Variants in EMILIN2 observed in about 807,000 individuals in gnomAD.
EMILIN2 encodes the protein elastin microfibril interfacer 2, also known as EMILIN-2.
EMILIN2 carries 71 observed loss-of-function variants against 87.1 expected under a neutral mutation model. The ratio of observed to expected loss-of-function variants is 0.82; its 90% confidence interval spans 0.67 to 0.99. EMILIN2 has a LOEUF of 0.99. Among genes scored for constraint, EMILIN2 ranks in the 50% least tolerant of loss-of-function variants. EMILIN2 has a pLI of 0.00. For missense variants in EMILIN2, 1,407 were observed against 1,371.8 expected (o/e 1.03, Z -0.40); for synonymous variants, 581 against 563.4 (o/e 1.03, Z -0.44).
At chr18:2,889,663 T>C (rs2076823329) in intron 3 of EMILIN2, among the ~76,000 whole-genome samples, 1 of 151,498 alleles carries the variant, frequency 6.6e-6, no homozygotes, top group Admixed American at 6.6e-5. Flanking sequence ...CAAAATTCAA[T>C]GTTTGCATTC....
chr18:2,892,022 G>GTA lies in EMILIN2; in HGVS notation c.1896_1897dup (p.Arg633IlefsTer113), dbSNP rs1568476662. 1.2e-6 allele frequency: 2 copies of GTA among 1,614,254 alleles called. No homozygotes were observed. ...CATCTTCAAAAGGAAATGAGCAATT[G>GTA]TAGAGCAGGTGAAAACGCTGGCATG... On this transcript the variant is annotated frameshift_variant, in exon 4 of 8. Transcript: ENST00000254528. LOFTEE classifies it high-confidence loss of function.
intron 7 of EMILIN2, among the ~76,000 whole-genome samples, chr18:2,910,609 C>G (rs2076936126): frequency 6.6e-6 from 1 of 152,078 alleles, no homozygotes; most frequent in African/African-American, 2.4e-5. Flanking sequence ...AGTCACTGTT[C>G]TGCTCACGCA....
chr18:2,903,435 C>G (rs1050901889), intron 4 of EMILIN2, among the ~76,000 whole-genome samples: 20 of 152,190 alleles, frequency 1.3e-4, no homozygotes, highest in African/African-American at 4.6e-4. Flanking sequence ...TCCTTCTTCC[C>G]ACGCCCCAGA....
chr18:2,882,105 G>A (rs1167580327), intron 2 of EMILIN2, among the ~76,000 whole-genome samples: 1 of 152,208 alleles, frequency 6.6e-6, no homozygotes, highest in Non-Finnish European at 1.5e-5. Context: ...TTTGAACTTG[G>A]ATAAGTCGCT....
At chr18:2,889,596 A>G (rs1239991191) in intron 3 of EMILIN2, among the ~76,000 whole-genome samples, 2 of 151,818 alleles carry the variant, frequency 1.3e-5, no homozygotes, top group Non-Finnish European at 2.9e-5. Context: ...TTAAAAATTA[A>G]TAATTGTTTC....
intron 2 of EMILIN2, among the ~76,000 whole-genome samples, chr18:2,874,348 C>T (rs755685073): frequency 2.6e-5 from 4 of 152,106 alleles, no homozygotes; most frequent in Non-Finnish European, 5.9e-5. Context: ...CACCACTGCA[C>T]CCAGCTGTAG....
At chr18:2,874,754 T>C (rs1052820015) in intron 2 of EMILIN2, among the ~76,000 whole-genome samples, 2 of 151,502 alleles carry the variant, frequency 1.3e-5, no homozygotes, top group Non-Finnish European at 2.9e-5. Flanking sequence ...TAAGTGTTCC[T>C]GTGTTTTCAA....
At chr18:2,888,692 G>A (rs1376346944) in intron 3 of EMILIN2, among the ~76,000 whole-genome samples, 1 of 144,398 alleles carries the variant, frequency 6.9e-6, no homozygotes, top group Non-Finnish European at 1.5e-5. Flanking sequence ...TCCAGCCTGG[G>A]CAACAGAGGG....
chr18:2,901,430 G>A (rs1013513077), intron 4 of EMILIN2, among the ~76,000 whole-genome samples: 5 of 152,220 alleles, frequency 3.3e-5, no homozygotes, highest in Non-Finnish European at 5.9e-5. Flanking sequence ...GATTTTCTTA[G>A]GAAAGTCTTT....
rs2076579428 is a variant in EMILIN2, at chr18:2,847,261, G to A, written c.73G>A (p.Ala25Thr). 1.5e-6 allele frequency: 2 copies of A among 1,308,072 alleles called. No individual in the cohort carries two copies. Among genetic ancestry groups the A allele is most frequent in the Admixed American group, 4.0e-5 (1 of 25,158 alleles). 81.0% of individuals were successfully genotyped at this position (1,308,072 alleles called of 1,614,324 possible). The change falls in exon 1 of 8, where the codon GCG becomes ACG. Residue 25 changes from alanine (A) to threonine (T), a missense_variant. Coordinates refer to ENST00000254528, the MANE Select transcript of EMILIN2 (RefSeq NM_032048.3). The surrounding 1 kb of genome is among the most constrained non-coding windows in gnomAD (Gnocchi z 4.5). ...GCTGGCGCTGCTGGCCCTGGTTGGC[G>A]CGGGGCTGTGCCACGCCGGCCCGCA... ...WALALLALVG[A>T]GLCHAGPQPG...
At chr18:2,868,854 A>G (rs1200137495) in intron 2 of EMILIN2, among the ~76,000 whole-genome samples, 1 of 152,156 alleles carries the variant, frequency 6.6e-6, no homozygotes, top group Non-Finnish European at 1.5e-5. Context: ...TTAGCTGTGA[A>G]TCCATCTGGT....
intron 4 of EMILIN2, among the ~76,000 whole-genome samples, chr18:2,892,979 G>C (rs893356050): frequency 6.6e-6 from 1 of 151,938 alleles, no homozygotes; most frequent in Non-Finnish European, 1.5e-5. Flanking sequence ...TTGAACCTGG[G>C]AGGCAGAGGT....
rs764541542 is a variant in EMILIN2 at position 2,892,278 on chromosome 18, C to T, written c.2151C>T (p.Asp717=). 23 of 1,613,990 alleles carry T rather than the reference C, an allele frequency of 1.4e-5. No individual in the cohort carries two copies. The highest frequency in any genetic ancestry group is 1.3e-5 in the African/African-American group (1 of 74,918). ...SHMEKTCSKL[D]SISGNLQRIK... ...TGGAGAAAACTTGCAGCAAGCTGGA[C>T]TCTATCTCAGGAAATCTTCAGAGGA... Residue 717 remains aspartate, a synonymous_variant, in exon 4 of 8, where the codon GAC becomes GAT. Coordinates refer to ENST00000254528, the MANE Select transcript of EMILIN2 (RefSeq NM_032048.3).
At chr18:2,866,499 A>G (rs2076687355) in intron 2 of EMILIN2, among the ~76,000 whole-genome samples, 1 of 152,148 alleles carries the variant, frequency 6.6e-6, no homozygotes, top group African/African-American at 2.4e-5. Context: ...CTTTTGGTGT[A>G]TACGCTTTTG....
chr18:2,886,493 G>C (rs9964343), intron 3 of EMILIN2, among the ~76,000 whole-genome samples: 19,293 of 152,090 alleles, frequency 0.13, 1,400 homozygotes, highest in South Asian at 0.3. Context: ...CTCTTCAGAT[G>C]AATCTTTTGG....
chr18:2,876,997 T>C (rs1448304704), intron 2 of EMILIN2, among the ~76,000 whole-genome samples: 1 of 152,378 alleles, frequency 6.6e-6, no homozygotes, highest in Admixed American at 6.5e-5. Flanking sequence ...AAATATGTGA[T>C]GTAGCAGAAA....
chr18:2,873,363 T>C (rs1038378376), intron 2 of EMILIN2, among the ~76,000 whole-genome samples: 1 of 151,936 alleles, frequency 6.6e-6, no homozygotes, highest in Non-Finnish European at 1.5e-5. Flanking sequence ...TGAGCCAAGA[T>C]TGTACCACTG....
chr18:2,866,046 A>G (rs1421577618), intron 2 of EMILIN2, among the ~76,000 whole-genome samples: 4 of 152,226 alleles, frequency 2.6e-5, no homozygotes, highest in Non-Finnish European at 5.9e-5. Flanking sequence ...CTGTTTGCTA[A>G]GACCATTGGA....
chr18:2,894,815 A>G lies in EMILIN2; in HGVS notation c.2359+2329A>G, dbSNP rs953508102. 1.3e-5 allele frequency among the ~76,000 whole-genome samples: 2 copies of G among 152,168 alleles called. No individual in the cohort carries two copies. Among genetic ancestry groups the G allele is most frequent in the African/African-American group, 2.4e-5 (1 of 41,452 alleles). ...CCAGGTCTAGGAGACCTGGAACCTGAGTATCAGAGGTGCATGGGAGAATCT... is the reference window on the plus strand; with the variant it reads ...CCAGGTCTAGGAGACCTGGAACCTGGGTATCAGAGGTGCATGGGAGAATCT... On this transcript the variant is annotated intron_variant, in intron 4 of 7. Coordinates refer to ENST00000254528, the MANE Select transcript of EMILIN2 (RefSeq NM_032048.3). This position sits in a 1 kb window ranked among gnomAD's most constrained non-coding sequence, Gnocchi z 5.0.
Sources: gnomAD v4.1 joint callset for allele counts (sites outside exome capture counted in the v4.1 genomes callset) on GRCh38, gnomAD v4.1.1 for gene constraint, Gnocchi (gnomAD v3.1) non-coding constraint, MANE v1.5 for transcripts, NCBI Gene and HGNC (gene_info 2026-07-23, HGNC 2026-07-21) for gene names.